Variants in SMC5 observed in about 807,000 individuals in gnomAD.
SMC5 encodes structural maintenance of chromosomes 5, also known as structural maintenance of chromosomes protein 5.
Under a neutral mutation model 148.3 loss-of-function variants are expected in SMC5, and 88 were observed. The ratio of observed to expected loss-of-function variants is 0.59; its 90% CI spans 0.50 to 0.71. The LOEUF is 0.71. Ranked by LOEUF, SMC5 falls within the 30% of genes least tolerant of loss-of-function variation. The pLI is 0.00. For synonymous variants in SMC5, 421 were observed against 432.8 expected (o/e 0.97, Z 0.34); for missense variants, 1,142 against 1,298.9 (o/e 0.88, Z 1.86).
intron 15 of SMC5, among the ~76,000 whole-genome samples, chr9:70,323,168 C>A (rs750127995): frequency 1.3e-5 from 2 of 152,162 alleles, no homozygotes; most frequent in African/African-American, 2.4e-5. Context: ...CTTACCTGAG[C>A]CTTAGTTTCT....
intron 17 of SMC5, among the ~76,000 whole-genome samples, chr9:70,325,820 A>G (rs2118667992): frequency 6.6e-6 from 1 of 152,282 alleles, no homozygotes; most frequent in Admixed American, 6.5e-5. Flanking sequence ...GGAAAATAAG[A>G]GAGATATTCA....
At chr9:70,267,210 A>G (rs2034313057) in intron 2 of SMC5, among the ~76,000 whole-genome samples, 1 of 152,130 alleles carries the variant, frequency 6.6e-6, no homozygotes, top group East Asian at 1.9e-4. Context: ...TGTCATTATC[A>G]CTATTAAAAA....
chr9:70,308,241 A>G (rs2035558024), intron 11 of SMC5, among the ~76,000 whole-genome samples: 1 of 152,140 alleles, frequency 6.6e-6, no homozygotes, highest in Admixed American at 6.5e-5. Context: ...AGTGAAAAAC[A>G]TAGCTCCCCT....
At chr9:70,289,018 C>T (rs1486822815) in intron 8 of SMC5, among the ~76,000 whole-genome samples, 1 of 151,978 alleles carries the variant, frequency 6.6e-6, no homozygotes, top group Non-Finnish European at 1.5e-5. Context: ...TGTTAACCTA[C>T]TTGATTTAGT....
At chr9:70,330,758 G>T (rs1392453826) in intron 17 of SMC5, among the ~76,000 whole-genome samples, 1 of 151,528 alleles carries the variant, frequency 6.6e-6, no homozygotes, top group African/African-American at 2.4e-5. Flanking sequence ...TGGCCAGGCT[G>T]GTCTCAAACT....
intron 5 of SMC5, 51 bp downstream of exon 5, chr9:70,278,676 C>G (rs2034664195): frequency 6.5e-7 from 1 of 1,533,192 alleles, no homozygotes; most frequent in African/African-American, 1.4e-5. Flanking sequence ...ATTTCTGTAT[C>G]TCAGAACATG....
In SMC5 at chr9:70,297,957, T is replaced by C. The variant is rs770252362; in HGVS notation, c.1054-9T>C. 3 of 1,607,010 alleles carry C rather than the reference T, an allele frequency of 1.9e-6. No individual in the cohort carries two copies. Among genetic ancestry groups the C allele is most frequent in the Admixed American group, 1.7e-5 (1 of 58,568 alleles). On this transcript the variant is annotated splice_polypyrimidine_tract_variant and intron_variant, in intron 8 of 24. Coordinates refer to ENST00000361138, the MANE Select transcript of SMC5 (RefSeq NM_015110.4). ...AGTCTCAAGTACTAACCTACTTTTG[T>C]TTTATTAGATTGAGGAACTTCAGCA...
chr9:70,339,443 A>AG (rs2036457787), intron 17 of SMC5, among the ~76,000 whole-genome samples: 1 of 151,732 alleles, frequency 6.6e-6, no homozygotes, highest in Non-Finnish European at 1.5e-5. Context: ...AAAAAAAAAA[A>AG]GAGTCAAGAA....
At chr9:70,334,801 C>T (rs1281896422) in intron 17 of SMC5, among the ~76,000 whole-genome samples, 2 of 151,974 alleles carry the variant, frequency 1.3e-5, no homozygotes, top group South Asian at 2.1e-4. Context: ...AGAACTTCAC[C>T]GTACTAAAGG....
chr9:70,315,649 AG>A, intron 13 of SMC5, 71 bp downstream of exon 13: 23 of 1,288,652 alleles, frequency 1.8e-5, no homozygotes, highest in Non-Finnish European at 2.3e-5. Flanking sequence ...TCTTAGCTAA[AG>A]GCAAGCAAAA....
chr9:70,272,529 A>G (rs371072424), intron 3 of SMC5, among the ~76,000 whole-genome samples: 27 of 152,230 alleles, frequency 1.8e-4, no homozygotes, highest in African/African-American at 6.3e-4. Flanking sequence ...CCTGGGCAAC[A>G]TAGCGAGACT....
chr9:70,352,232 G>C lies in SMC5; in HGVS notation c.3207G>C (p.Leu1069Phe). The change falls in exon 25 of 25, where the codon TTG (leucine) becomes TTC (phenylalanine). Residue 1069 changes from leucine to phenylalanine, a missense_variant. By Grantham distance (22) the Leu-to-Phe change is conservative (BLOSUM62 0). Coordinates refer to ENST00000361138, the MANE Select transcript of SMC5 (RefSeq NM_015110.4). ...CTTATTCTGAAAAGATGACAGTTTT[G>C]TTTGTCTACAATGGCCCTCATATGC... ...NLPYSEKMTV[L>F]FVYNGPHMLE... The C allele has an allele frequency of 6.2e-7, 1 of 1,611,778 alleles. No individual in the cohort carries two copies. The highest frequency in any genetic ancestry group is 8.5e-7 in the Non-Finnish European group (1 of 1,179,396).
At chr9:70,271,381 TAC>T (rs765150659) in intron 3 of SMC5, among the ~76,000 whole-genome samples, 2 of 152,102 alleles carry the variant, frequency 1.3e-5, no homozygotes, top group South Asian at 2.1e-4. Flanking sequence ...GCCTTGAGAG[TAC>T]CAAATGTAAA....
intron 10 of SMC5, among the ~76,000 whole-genome samples, chr9:70,303,838 C>T (rs1312870037): frequency 2.6e-5 from 4 of 152,200 alleles, no homozygotes; most frequent in Non-Finnish European, 4.4e-5. Flanking sequence ...AAATACCTCC[C>T]CTTTATTATT....
chr9:70,282,086 C>G (rs1288347691), intron 6 of SMC5, among the ~76,000 whole-genome samples: 1 of 140,890 alleles, frequency 7.1e-6, no homozygotes, highest in Non-Finnish European at 1.6e-5. Context: ...TCTTTTGCTT[C>G]TTTATACATC....
At chr9:70,323,660 A>T in intron 16 of SMC5, 54 bp downstream of exon 16, 1 of 1,552,572 alleles carries the variant, frequency 6.4e-7, no homozygotes, top group East Asian at 2.3e-5. Flanking sequence ...CGGGCAGATA[A>T]GATAGTAAAA....
intron 17 of SMC5, among the ~76,000 whole-genome samples, chr9:70,340,948 T>C (rs986374007): frequency 1.3e-5 from 2 of 152,190 alleles, no homozygotes; most frequent in African/African-American, 2.4e-5. Context: ...TAGTGGGGGA[T>C]ATTTTGTACA....
intron 8 of SMC5, among the ~76,000 whole-genome samples, chr9:70,292,349 G>A (rs565107687): frequency 6.6e-6 from 1 of 152,130 alleles, no homozygotes; most frequent in South Asian, 2.1e-4. Context: ...TCTTTCATTA[G>A]CATTATGTAG....
chr9:70,272,486 C>T (rs768794879), intron 3 of SMC5, among the ~76,000 whole-genome samples: 20 of 151,984 alleles, frequency 1.3e-4, no homozygotes, highest in Non-Finnish European at 2.4e-4. Flanking sequence ...GAGGCAGAGG[C>T]GGGAGGATTG....
Sources: gnomAD v4.1 joint callset for allele counts (sites outside exome capture counted in the v4.1 genomes callset) on GRCh38, gnomAD v4.1.1 for gene constraint, MANE v1.5 for transcripts, NCBI Gene and HGNC (gene_info 2026-07-23, HGNC 2026-07-21) for gene names.